Variants in NUPR2 observed in about 807,000 individuals in gnomAD.
NUPR2 encodes nuclear protein 2, transcriptional regulator.
Under a neutral mutation model 7.3 loss-of-function variants are expected in NUPR2, and 14 were observed. The observed-to-expected ratio is 1.93, with a 90% confidence interval of 1.27 to 3.01. The LOEUF (loss-of-function observed/expected upper bound fraction) is 3.01. Among genes scored for constraint, NUPR2 ranks in the 30% most tolerant of loss-of-function variants. The pLI is 0.00. For missense variants in NUPR2, 162 were observed against 143.7 expected, an observed-to-expected ratio of 1.13 and a Z score of -0.65; for synonymous variants, 56 against 59.7, an observed-to-expected ratio of 0.94 and a Z score of 0.29.
chr7:56,115,413 A>ACACACATATG lies in NUPR2; in HGVS notation c.*7-517_*7-516insCATATGTGTG, dbSNP rs1285875592. On this transcript the variant is annotated intron_variant, in intron 1 of 1. Transcript: ENST00000329309. ...CGATCGCATATATATATATATATATATATATATATATATATTTGTGTGTGT... is the reference window on the plus strand; with the variant it reads ...CGATCGCATATATATATATATATATACACACATATGTATATATATATATATTTGTGTGTGT... 7.8e-4 allele frequency among the ~76,000 whole-genome samples: 36 copies of ACACACATATG among 46,360 alleles called. 1 individual carries two copies. The highest frequency in any genetic ancestry group is 1.6e-3 in the East Asian group (1 of 620). The allele number at this position is 46,360 out of a possible 152,430, so 30.4% of individuals were successfully genotyped here. A position where few individuals can be genotyped will look rare whatever the true frequency, so the allele number is the denominator to read the frequency against.
At chr7:56,115,405 A>ATATATATACATATG (rs1420989754) in intron 1 of NUPR2, among the ~76,000 whole-genome samples, 736 of 35,188 alleles carry the variant, frequency 0.021, 114 homozygotes, top group African/African-American at 0.12. Context: ...ATATATATAT[A>ATATATATACATATG]TATATATATA....
chr7:56,116,283 C>A lies in NUPR2; in HGVS notation c.32G>T (p.Arg11Leu), dbSNP rs1785551429. Residue 11 changes from arginine (R) to leucine (L), a missense_variant, in exon 1 of 2, where the codon CGT becomes CTT. Coordinates refer to ENST00000329309, the MANE Select transcript of NUPR2 (RefSeq NM_001145712.2). ...CGGCGGCCGAGCCAGAGCCTGCAGACGTGGAAGCGCCCGCTCTGCGGGCGC... is the reference window on the plus strand; with the variant it reads ...CGGCGGCCGAGCCAGAGCCTGCAGAAGTGGAAGCGCCCGCTCTGCGGGCGC... The part of the protein sequence containing the change: MEAPAERALP[R>L]LQALARPPPP... The A allele has an allele frequency of 6.8e-7, 1 of 1,470,666 alleles. No individual in the cohort carries two copies. The highest frequency in any genetic ancestry group is 9.0e-7 in the Non-Finnish European group (1 of 1,116,910). 91.1% of individuals were successfully genotyped at this position (1,470,666 alleles called of 1,614,324 possible).
At position 56,114,870 on chromosome 7, in the gene NUPR2, A is replaced by C. The variant is rs1785513298; in HGVS notation, c.*34T>G. 6.6e-6 allele frequency: 1 copy of C among 152,224 alleles called. No individual in the cohort carries two copies. The highest frequency in any genetic ancestry group is 1.5e-5 in the Non-Finnish European group (1 of 68,040). The allele number at this position is 152,224 out of a possible 1,614,324, so 9.4% of individuals were successfully genotyped here. On this transcript the variant is annotated 3_prime_UTR_variant, in exon 2 of 2. Coordinates refer to ENST00000329309, the MANE Select transcript of NUPR2 (RefSeq NM_001145712.2). ...ACCAAGTTACAGTTGGAGTTACAGTAAATACTTCGAACAGGTCCTTCGGTA... is the reference window on the plus strand; with the variant it reads ...ACCAAGTTACAGTTGGAGTTACAGTCAATACTTCGAACAGGTCCTTCGGTA...
Position 56,116,064 on chromosome 7 carries a change from C to T in NUPR2, c.251G>A (p.Arg84His), listed in dbSNP as rs1293524066. 1.3e-6 allele frequency: 2 copies of T among 1,501,844 alleles called. No homozygotes were observed. The highest frequency in any genetic ancestry group is 1.8e-6 in the Non-Finnish European group (2 of 1,126,812). 93.0% of individuals were successfully genotyped at this position (1,501,844 alleles called of 1,614,324 possible). A position where few individuals can be genotyped will look rare whatever the true frequency, so the allele number is the denominator to read the frequency against. The change falls in exon 1 of 2, where the codon CGC becomes CAC. Residue 84 changes from arginine to histidine, a missense_variant. By Grantham distance (29) the Arg-to-His change is conservative (BLOSUM62 0). Coordinates refer to ENST00000329309, the MANE Select transcript of NUPR2 (RefSeq NM_001145712.2). ...QKLLNGQRKR[R>H]QRQLHPKMRT... ...CATCTTGGGATGCAGCTGGCGCTGG[C>T]GGCGCTTGCGCTGGCCATTGAGGAG...
chr7:56,116,342 C>T lies in NUPR2; in HGVS notation c.-28G>A. On this transcript the variant is annotated 5_prime_UTR_variant, in exon 1 of 2. Coordinates refer to ENST00000329309, the MANE Select transcript of NUPR2 (RefSeq NM_001145712.2). The stretch of plus-strand genomic sequence containing the variant: ...TGCCCAGGCCTGTGGCCACCGGCGG[C>T]CACCTGCCCGCGTCTGGGCGCTCCT... 2 of 1,306,898 alleles carry T rather than the reference C, an allele frequency of 1.5e-6. No homozygotes were observed. The highest frequency in any genetic ancestry group is 2.0e-6 in the Non-Finnish European group (2 of 1,015,026). The allele number at this position is 1,306,898 out of a possible 1,614,324, so 81.0% of individuals were successfully genotyped here.
intron 1 of NUPR2, 138 bp from the exon 2 acceptor site, chr7:56,115,035 A>T (rs1785516205): frequency 6.6e-6 from 1 of 151,772 alleles, no homozygotes; most frequent in Admixed American, 6.6e-5. Flanking sequence ...TCCTGGATTC[A>T]AGCGATCCTG....
In NUPR2 at chr7:56,116,322, A is replaced by T. The variant is rs1012040742; in HGVS notation, c.-8T>A. On this transcript the variant is annotated 5_prime_UTR_variant, in exon 1 of 2. Coordinates refer to ENST00000329309, the MANE Select transcript of NUPR2 (RefSeq NM_001145712.2). ...CTCTGCGGGCGCTTCCATCCTGCCC[A>T]GGCCTGTGGCCACCGGCGGCCACCT... 2 of 1,269,126 alleles carry T rather than the reference A, an allele frequency of 1.6e-6. No homozygotes were observed. The highest frequency in any genetic ancestry group is 2.0e-6 in the Non-Finnish European group (2 of 984,454). The allele number at this position is 1,269,126 out of a possible 1,614,324, so 78.6% of individuals were successfully genotyped here.
Position 56,116,410 on chromosome 7 carries a change from G to C in NUPR2, c.-96C>G, listed in dbSNP as rs1253007128. The C allele has an allele frequency of 1.5e-5, 10 of 681,092 alleles. No individual in the cohort carries two copies. Among genetic ancestry groups the C allele is most frequent in the African/African-American group, 1.9e-5 (1 of 52,560 alleles). The allele number at this position is 681,092 out of a possible 1,614,324, so 42.2% of individuals were successfully genotyped here. Reference sequence around the variant, plus strand: ...CGCCTCGAGTTCCGATGGGCTCCGCGTGAAGGTGGGGGTGCCTTCGGCGAC... The same window carrying C: ...CGCCTCGAGTTCCGATGGGCTCCGCCTGAAGGTGGGGGTGCCTTCGGCGAC... On this transcript the variant is annotated 5_prime_UTR_variant, in exon 1 of 2. Transcript: ENST00000329309.
intron 1 of NUPR2, among the ~76,000 whole-genome samples, chr7:56,115,446 TGTG>T (rs1487298174): frequency 1.4e-5 from 1 of 70,748 alleles, no homozygotes; most frequent in African/African-American, 6.0e-5. Flanking sequence ...TGTGTGTGTG[TGTG>T]TGTGTGTGTG....
At position 56,115,421 on chromosome 7, in the gene NUPR2, A is replaced by ATATACG. The variant is rs1584650186; in HGVS notation, c.*7-525_*7-524insCGTATA. On this transcript the variant is annotated intron_variant, in intron 1 of 1. Transcript: ENST00000329309. ...TATATATATATATATATATATATAT[A>ATATACG]TATATATTTGTGTGTGTGTGTGTGT... Among the ~76,000 whole-genome samples the ATATACG allele has an allele frequency of 1.6e-4, 4 of 24,956 alleles. 1 individual carries two copies. In the East Asian group the frequency reaches 8.4e-3, roughly 53 times the overall value. The allele number at this position is 24,956 out of a possible 152,430, so 16.4% of individuals were successfully genotyped here. A position where few individuals can be genotyped will look rare whatever the true frequency, so the allele number is the denominator to read the frequency against.
intron 1 of NUPR2, among the ~76,000 whole-genome samples, chr7:56,115,412 T>TAGAC (rs1562891770): frequency 2.4e-5 from 1 of 41,072 alleles, no homozygotes; most frequent in African/African-American, 1.5e-4. Context: ...TATATATATA[T>TAGAC]ATATATATAT....
chr7:56,116,340 G>A lies in NUPR2; in HGVS notation c.-26C>T, dbSNP rs1207967009. On this transcript the variant is annotated 5_prime_UTR_variant, in exon 1 of 2. Transcript: ENST00000329309. ...CCTGCCCAGGCCTGTGGCCACCGGC[G>A]GCCACCTGCCCGCGTCTGGGCGCTC... is the stretch of plus-strand genomic sequence containing the variant. 2.3e-6 allele frequency: 3 copies of A among 1,309,366 alleles called. No homozygotes were observed. Among genetic ancestry groups the A allele is most frequent in the Non-Finnish European group, 2.9e-6 (3 of 1,018,946 alleles). The allele number at this position is 1,309,366 out of a possible 1,614,324, so 81.1% of individuals were successfully genotyped here. A position where few individuals can be genotyped will look rare whatever the true frequency, so the allele number is the denominator to read the frequency against.
intron 1 of NUPR2, among the ~76,000 whole-genome samples, chr7:56,115,421 A>G (rs868457940): frequency 2.5e-3 from 61 of 24,810 alleles, no homozygotes; most frequent in African/African-American, 4.6e-3. Context: ...ATATATATAT[A>G]TATATATTTG....
At chr7:56,115,359 G>A (rs1307231419) in intron 1 of NUPR2, among the ~76,000 whole-genome samples, 1 of 121,290 alleles carries the variant, frequency 8.2e-6, no homozygotes, top group Non-Finnish European at 1.7e-5. Context: ...ATCTCCGCTC[G>A]GCTCACTGTA....
chr7:56,115,569 C>T (rs1319563999), intron 1 of NUPR2, among the ~76,000 whole-genome samples: 1 of 140,824 alleles, frequency 7.1e-6, no homozygotes, highest in Non-Finnish European at 1.5e-5. Flanking sequence ...CATTCCCCTG[C>T]TTCAGCCTCC....
chr7:56,116,355 T>C lies in NUPR2; in HGVS notation c.-41A>G. On this transcript the variant is annotated 5_prime_UTR_variant, in exon 1 of 2. Transcript: ENST00000329309. ...GGCCACCGGCGGCCACCTGCCCGCG[T>C]CTGGGCGCTCCTGGAAGACCCAGCA... The C allele has an allele frequency of 8.1e-7, 1 of 1,234,184 alleles. No homozygotes were observed. The highest frequency in any genetic ancestry group is 1.1e-6 in the Non-Finnish European group (1 of 951,994). 76.5% of individuals were successfully genotyped at this position (1,234,184 alleles called of 1,614,324 possible). A position where few individuals can be genotyped will look rare whatever the true frequency, so the allele number is the denominator to read the frequency against.
At chr7:56,115,994 G>A (rs1233512304) in intron 1 of NUPR2, 21 bp downstream of exon 1, 17 of 1,438,220 alleles carry the variant, frequency 1.2e-5, no homozygotes, top group Non-Finnish European at 1.5e-5. Flanking sequence ...ACTGGTTGGG[G>A]GAGGTGTTGG....
intron 1 of NUPR2, among the ~76,000 whole-genome samples, chr7:56,115,403 A>ATGTATATATACATATG (rs1562891737): frequency 5.2e-5 from 1 of 19,100 alleles, no homozygotes; most frequent in Non-Finnish European, 8.3e-5. Flanking sequence ...GCATATATAT[A>ATGTATATATACATATG]TATATATATA....
rs1281042015 is a variant in NUPR2, at chr7:56,116,295, C to G, written c.20G>C (p.Arg7Pro). The change falls in exon 1 of 2, where the codon CGG (arginine) becomes CCG (proline). Residue 7 changes from arginine (R) to proline (P), a missense_variant. Arg to Pro is a moderately radical substitution (Grantham distance 103). Transcript: ENST00000329309. MEAPAE[R>P]ALPRLQALAR... Reference sequence around the variant, plus strand: ...CAGAGCCTGCAGACGTGGAAGCGCCCGCTCTGCGGGCGCTTCCATCCTGCC... The same window carrying G: ...CAGAGCCTGCAGACGTGGAAGCGCCGGCTCTGCGGGCGCTTCCATCCTGCC... 18 of 1,464,720 alleles carry G rather than the reference C, an allele frequency of 1.2e-5. No homozygotes were observed. In the East Asian group the frequency reaches 4.7e-4, roughly 38 times the overall value. The allele number at this position is 1,464,720 out of a possible 1,614,324, so 90.7% of individuals were successfully genotyped here. A position where few individuals can be genotyped will look rare whatever the true frequency, so the allele number is the denominator to read the frequency against.
Sources: allele counts gnomAD v4.1 joint callset (sites outside exome capture counted in the v4.1 genomes callset), GRCh38; gene constraint gnomAD v4.1.1; transcripts MANE v1.5; gene names NCBI Gene and HGNC (gene_info 2026-07-23, HGNC 2026-07-21).